The following LRRC8B variants were observed in gnomAD, a reference collection of about 807,000 sequenced individuals.
The protein encoded by LRRC8B is volume-regulated anion channel subunit LRRC8B.
Under a neutral mutation model 58.8 loss-of-function variants are expected in LRRC8B, and 23 were observed. The observed-to-expected ratio is 0.39, with a 90% CI of 0.28 to 0.55. The LOEUF (loss-of-function observed/expected upper bound fraction) is 0.55, where lower values mean the gene tolerates loss of function less well. LRRC8B is among the 20% of genes least tolerant of loss of function. The probability of loss-of-function intolerance (pLI) is 0.62; values close to 1 mark genes in which losing one functional copy is unlikely to be tolerated. For synonymous variants in LRRC8B, 359 were observed against 374.1 expected, an observed-to-expected ratio of 0.96 and a Z score of 0.47; for missense variants, 694 against 936.0, an observed-to-expected ratio of 0.74 and a Z score of 3.37.
Position 89,543,148 on chromosome 1 carries a change from G to C in LRRC8B, c.-241+18126G>C, listed in dbSNP as rs979722786. ...AAATTTTCGTTATAGCCTGAAACTT[G>C]TTCAATCTTCACATTTTCTGAAATT... On this transcript the variant is annotated intron_variant, in intron 1 of 5. Transcript: ENST00000330947. Among the ~76,000 whole-genome samples the C allele has an allele frequency of 5.9e-5, 9 of 152,282 alleles. No homozygotes were observed. The East Asian group carries it at 1.5e-3, about 26-fold the overall frequency.
chr1:89,574,436 A>G (rs1290343100), intron 3 of LRRC8B, among the ~76,000 whole-genome samples: 1 of 152,206 alleles, frequency 6.6e-6, no homozygotes, highest in African/African-American at 2.4e-5. Flanking sequence ...GAGGATGTCA[A>G]ATGGTACCCT....
Position 89,590,851 on chromosome 1 carries a change from G to A in LRRC8B, c.2140-1920G>A, listed in dbSNP as rs770851343. Among the ~76,000 whole-genome samples the A allele has an allele frequency of 5.3e-5, 8 of 152,168 alleles. No individual in the cohort carries two copies. In the East Asian group the frequency reaches 5.8e-4, roughly 11 times the overall value. On this transcript the variant is annotated intron_variant, in intron 5 of 5. Transcript: ENST00000330947. ...TAATCGTTTCATGTTTCTCTCTTCC[G>A]TGAGACTTGTGCTTCTCAACTGGGA...
At chr1:89,554,344 C>G (rs570718273) in intron 1 of LRRC8B, among the ~76,000 whole-genome samples, 1 of 152,140 alleles carries the variant, frequency 6.6e-6, no homozygotes, top group Non-Finnish European at 1.5e-5. Flanking sequence ...ATAAATCTTA[C>G]GCATCTTTCT....
At chr1:89,557,261 A>G (rs1351233878) in intron 1 of LRRC8B, among the ~76,000 whole-genome samples, 1 of 151,994 alleles carries the variant, frequency 6.6e-6, no homozygotes, top group Non-Finnish European at 1.5e-5. Flanking sequence ...ATATGATGAA[A>G]TGTCAATGTC....
chr1:89,593,170 T>G lies in LRRC8B; in HGVS notation c.*127T>G. On this transcript the variant is annotated 3_prime_UTR_variant, in exon 6 of 6. Coordinates refer to ENST00000330947, the MANE Select transcript of LRRC8B (RefSeq NM_001369817.2). The stretch of plus-strand genomic sequence containing the variant: ...TGGGCGGATTGCTTGAGGTCAGGAG[T>G]TCGAGACCAGTCTGGCCAACCTGGT... 3.3e-6 allele frequency: 3 copies of G among 915,066 alleles called. No individual in the cohort carries two copies. The highest frequency in any genetic ancestry group is 4.9e-6 in the Non-Finnish European group (3 of 606,380). The allele number at this position is 915,066 out of a possible 1,614,324, so 56.7% of individuals were successfully genotyped here. A position where few individuals can be genotyped will look rare whatever the true frequency, so the allele number is the denominator to read the frequency against.
chr1:89,581,139 A>G (rs1201937960), intron 4 of LRRC8B, among the ~76,000 whole-genome samples: 9 of 152,086 alleles, frequency 5.9e-5, no homozygotes, highest in Admixed American at 5.9e-4. Context: ...TCTACTAAAA[A>G]GACACAAAAA....
chr1:89,542,229 C>T (rs1383355151), intron 1 of LRRC8B, among the ~76,000 whole-genome samples: 1 of 152,176 alleles, frequency 6.6e-6, no homozygotes, highest in East Asian at 1.9e-4. Flanking sequence ...CTAGGGCAAG[C>T]TTTTGAGCTC....
At chr1:89,539,857 G>T (rs529281711) in intron 1 of LRRC8B, among the ~76,000 whole-genome samples, 1 of 152,096 alleles carries the variant, frequency 6.6e-6, no homozygotes, top group Non-Finnish European at 1.5e-5. Context: ...TGCAATATTT[G>T]CTCCTGGCCA....
At position 89,584,283 on chromosome 1, in the gene LRRC8B, T is replaced by C; in HGVS notation, c.1633T>C (p.Leu545=). 2 of 1,614,000 alleles carry C rather than the reference T, an allele frequency of 1.2e-6. No individual in the cohort carries two copies. The highest frequency in any genetic ancestry group is 8.5e-7 in the Non-Finnish European group (1 of 1,180,028). The change falls in exon 5 of 6, where the codon TTG becomes CTG. Residue 545 remains leucine (L), a synonymous_variant. Coordinates refer to ENST00000330947, the MANE Select transcript of LRRC8B (RefSeq NM_001369817.2). ...QDLKNLRTLY[L]KSSLSRIPQV... is the part of the protein sequence containing the mutation. ...CTTAAAAAATCTAAGGACCCTGTACTTGAAGAGCAGCCTCTCCCGGATCCC... is the reference window on the plus strand; with the variant it reads ...CTTAAAAAATCTAAGGACCCTGTACCTGAAGAGCAGCCTCTCCCGGATCCC...
rs777840804 is a variant in LRRC8B at position 89,582,887 on chromosome 1, A to T, written c.237A>T (p.Thr79=). 6.2e-7 allele frequency: 1 copy of T among 1,614,140 alleles called. No individual in the cohort carries two copies. The highest frequency in any genetic ancestry group is 1.1e-5 in the South Asian group (1 of 91,072). ...PWDILKASMN[T]SSNPGTPLPL... is the part of the protein sequence containing the mutation. ...ACATCCTGAAAGCCAGCATGAACAC[A>T]TCCTCTAATCCTGGGACACCGCTTC... The change falls in exon 5 of 6, where the codon ACA becomes ACT. Residue 79 remains threonine (T), a synonymous_variant. Coordinates refer to ENST00000330947, the MANE Select transcript of LRRC8B (RefSeq NM_001369817.2).
intron 1 of LRRC8B, among the ~76,000 whole-genome samples, chr1:89,556,492 G>C (rs750834889): frequency 6.6e-6 from 1 of 152,074 alleles, no homozygotes; most frequent in Non-Finnish European, 1.5e-5. Flanking sequence ...TGGATTCCTG[G>C]GACTTGTGAT....
chr1:89,550,657 A>G (rs1651730118), intron 1 of LRRC8B, among the ~76,000 whole-genome samples: 1 of 152,214 alleles, frequency 6.6e-6, no homozygotes, highest in Non-Finnish European at 1.5e-5. Context: ...GAATATTGGA[A>G]TATTAACTAG....
chr1:89,584,913 T>G, intron 5 of LRRC8B, 124 bp downstream of exon 5: 1 of 652,266 alleles, frequency 1.5e-6, no homozygotes. Context: ...CGATCTTGCA[T>G]AAATTACCAA....
At chr1:89,581,953 G>C (rs995397915) in intron 4 of LRRC8B, among the ~76,000 whole-genome samples, 3 of 152,164 alleles carry the variant, frequency 2.0e-5, no homozygotes, top group Non-Finnish European at 4.4e-5. Flanking sequence ...TAAGCCTAAG[G>C]GGTAATTTCA....
chr1:89,548,983 A>T (rs372979647), intron 1 of LRRC8B, among the ~76,000 whole-genome samples: 3 of 152,280 alleles, frequency 2.0e-5, no homozygotes. Flanking sequence ...AAAAAAGGAC[A>T]TATTAAGTTC....
At chr1:89,550,500 G>A (rs1417401851) in intron 1 of LRRC8B, among the ~76,000 whole-genome samples, 2 of 152,080 alleles carry the variant, frequency 1.3e-5, no homozygotes, top group East Asian at 1.9e-4. Flanking sequence ...CAGCTTTCCC[G>A]CTAGGTTCAC....
chr1:89,560,520 A>G (rs867698665), intron 1 of LRRC8B, among the ~76,000 whole-genome samples: 34 of 151,018 alleles, frequency 2.3e-4, no homozygotes, highest in South Asian at 4.2e-4. Context: ...ATATCTCCCA[A>G]TGCTATCCCT....
At chr1:89,563,789 G>A (rs1652852431) in intron 1 of LRRC8B, among the ~76,000 whole-genome samples, 1 of 152,132 alleles carries the variant, frequency 6.6e-6, no homozygotes, top group African/African-American at 2.4e-5. Flanking sequence ...CCATTAGGTT[G>A]AAACCATTAT....
At chr1:89,531,032 T>C (rs1046336318) in intron 1 of LRRC8B, among the ~76,000 whole-genome samples, 4 of 152,138 alleles carry the variant, frequency 2.6e-5, no homozygotes, top group African/African-American at 9.7e-5. Flanking sequence ...GCCTTGGGGG[T>C]TGAGCCATCA....
Sources: gnomAD v4.1 joint callset for allele counts (sites outside exome capture counted in the v4.1 genomes callset) on GRCh38, gnomAD v4.1.1 for gene constraint, MANE v1.5 for transcripts, NCBI Gene and HGNC (gene_info 2026-07-23, HGNC 2026-07-21) for gene names.